The following AGBL4 variants were observed in gnomAD, a reference collection of about 807,000 sequenced individuals.
The protein encoded by AGBL4 is AGBL carboxypeptidase 4.
In AGBL4, 58 loss-of-function variants were observed where a neutral mutation model predicts 66.4. The observed-to-expected ratio is 0.87, with a 90% CI of 0.71 to 1.09. The LOEUF is 1.09. AGBL4 is among the 50% of genes least tolerant of loss of function. The probability of loss-of-function intolerance (pLI) is 0.00; values close to 1 mark genes in which losing one functional copy is unlikely to be tolerated. For synonymous variants in AGBL4, 234 were observed against 222.9 expected (o/e 1.05, Z -0.44); for missense variants, 579 against 631.0 (o/e 0.92, Z 0.88).
chr1:48,727,940 G>T, intron 6 of AGBL4: 1 of 1,611,374 alleles, frequency 6.2e-7, no homozygotes, highest in Non-Finnish European at 8.5e-7. Context: ...AGGATTTATT[G>T]ATATCCATGA....
At chr1:49,793,093 T>A (rs189576217) in intron 2 of AGBL4, among the ~76,000 whole-genome samples, 5 of 152,182 alleles carry the variant, frequency 3.3e-5, no homozygotes, top group African/African-American at 1.2e-4. Flanking sequence ...CTTATTTTTA[T>A]TCAAAGCACT....
intron 1 of AGBL4, among the ~76,000 whole-genome samples, chr1:49,969,481 T>C (rs551573650): frequency 6.6e-6 from 1 of 152,298 alleles, no homozygotes; most frequent in South Asian, 2.1e-4. Flanking sequence ...CTTATTCATC[T>C]GGCATAACTA....
intron 1 of AGBL4, among the ~76,000 whole-genome samples, chr1:49,950,813 T>A (rs1238498460): frequency 2.0e-5 from 3 of 151,648 alleles, no homozygotes; most frequent in African/African-American, 7.3e-5. Context: ...TTTACAATAG[T>A]CAAAATATGG....
At chr1:48,724,977 T>G (rs1647210183) in intron 6 of AGBL4, among the ~76,000 whole-genome samples, 1 of 152,162 alleles carries the variant, frequency 6.6e-6, no homozygotes, top group Admixed American at 6.5e-5. Flanking sequence ...AGACTCTAAG[T>G]GTACAAGTGA....
chr1:49,405,799 T>A (rs1645183801), intron 3 of AGBL4, among the ~76,000 whole-genome samples: 1 of 152,210 alleles, frequency 6.6e-6, no homozygotes, highest in Non-Finnish European at 1.5e-5. Context: ...AAAAACAAGA[T>A]GTTTGCCAAA....
At chr1:49,518,019 G>T (rs1266454558) in intron 3 of AGBL4, among the ~76,000 whole-genome samples, 1 of 152,020 alleles carries the variant, frequency 6.6e-6, no homozygotes, top group Admixed American at 6.6e-5. Context: ...TCTACTTGGT[G>T]CCTATCATTT....
chr1:48,750,096 C>T (rs1177619705), intron 6 of AGBL4, among the ~76,000 whole-genome samples: 2 of 152,232 alleles, frequency 1.3e-5, no homozygotes, highest in Non-Finnish European at 1.5e-5. Context: ...TCTGCTGATA[C>T]TCCCTTCAGG....
At chr1:49,925,566 G>C (rs968080914) in intron 1 of AGBL4, among the ~76,000 whole-genome samples, 1 of 152,156 alleles carries the variant, frequency 6.6e-6, no homozygotes, top group African/African-American at 2.4e-5. Context: ...AGGGCATCAG[G>C]TGGACTCGTG....
At chr1:49,882,619 G>A (rs992234484) in intron 1 of AGBL4, among the ~76,000 whole-genome samples, 1 of 152,068 alleles carries the variant, frequency 6.6e-6, no homozygotes, top group South Asian at 2.1e-4. Context: ...TTGTAAGTTG[G>A]ATTCCTAGGT....
chr1:48,714,106 T>A lies in AGBL4; in HGVS notation c.635-50865A>T, dbSNP rs58074152. Reference sequence around the variant, plus strand: ...TGGATGTGTTGGCATGAGTCGTCAGTGGAGATGGACAGACCCTGAGAGGCC... The same window carrying A: ...TGGATGTGTTGGCATGAGTCGTCAGAGGAGATGGACAGACCCTGAGAGGCC... On this transcript the variant is annotated intron_variant, in intron 6 of 13. Transcript: ENST00000371839. Among the ~76,000 whole-genome samples the A allele has an allele frequency of 8.9e-3, 1,361 of 152,302 alleles. 23 individuals are homozygous for A. Among genetic ancestry groups the A allele is most frequent in the African/African-American group, 0.031 (1,308 of 41,568 alleles).
chr1:48,925,198 C>A (rs1327406425), intron 5 of AGBL4, among the ~76,000 whole-genome samples: 1 of 151,624 alleles, frequency 6.6e-6, no homozygotes, highest in African/African-American at 2.4e-5. Flanking sequence ...GTACAGTCAT[C>A]CCTCAGTATC....
chr1:49,940,535 G>T (rs1654641893), intron 1 of AGBL4, among the ~76,000 whole-genome samples: 1 of 152,146 alleles, frequency 6.6e-6, no homozygotes, highest in Non-Finnish European at 1.5e-5. Flanking sequence ...AAAATGATGA[G>T]TTCATGTCCT....
intron 2 of AGBL4, among the ~76,000 whole-genome samples, chr1:49,706,450 T>C (rs1011183803): frequency 1.3e-5 from 2 of 152,142 alleles, no homozygotes; most frequent in Non-Finnish European, 2.9e-5. Flanking sequence ...TTCTTCTTTA[T>C]TAGTCTGGCC....
intron 1 of AGBL4, among the ~76,000 whole-genome samples, chr1:49,952,459 G>A (rs1421696782): frequency 6.6e-6 from 1 of 151,882 alleles, no homozygotes; most frequent in African/African-American, 2.4e-5. Context: ...ACTAAGGCTT[G>A]GCTATGTGTT....
At chr1:49,076,521 C>T (rs1480174789) in intron 4 of AGBL4, among the ~76,000 whole-genome samples, 2 of 152,106 alleles carry the variant, frequency 1.3e-5, no homozygotes, top group South Asian at 2.1e-4. Context: ...GAAAAGTTTC[C>T]TGTTCTGTGA....
chr1:49,038,304 C>T (rs567687916), intron 5 of AGBL4, among the ~76,000 whole-genome samples: 1 of 152,172 alleles, frequency 6.6e-6, no homozygotes, highest in South Asian at 2.1e-4. Flanking sequence ...GACTTGAAAA[C>T]TGTCCAAAGT....
intron 6 of AGBL4, among the ~76,000 whole-genome samples, chr1:48,793,286 A>G (rs1018123058): frequency 6.6e-6 from 1 of 152,212 alleles, no homozygotes; most frequent in Non-Finnish European, 1.5e-5. Flanking sequence ...TAACATGAAG[A>G]GCATCTCTCT....
chr1:48,659,621 C>T (rs186944507), intron 7 of AGBL4, among the ~76,000 whole-genome samples: 1 of 152,326 alleles, frequency 6.6e-6, no homozygotes, highest in East Asian at 1.9e-4. Flanking sequence ...AGGCCAAGCT[C>T]CTGGCTTGCA....
chr1:49,060,258 C>T (rs1210293403), intron 4 of AGBL4, among the ~76,000 whole-genome samples: 1 of 152,116 alleles, frequency 6.6e-6, no homozygotes, highest in Non-Finnish European at 1.5e-5. Flanking sequence ...TTATAAGGCA[C>T]TTTTCCTTCT....
Sources: gnomAD v4.1 joint callset for allele counts (sites outside exome capture counted in the v4.1 genomes callset) on GRCh38, gnomAD v4.1.1 for gene constraint, MANE v1.5 for transcripts, NCBI Gene and HGNC (gene_info 2026-07-23, HGNC 2026-07-21) for gene names.